GPC5: variants seen among roughly 807,000 people sequenced by gnomAD.
The protein encoded by GPC5 is glypican 5.
GPC5 carries 47 observed loss-of-function variants against 53.9 expected under a neutral mutation model. The ratio of observed to expected loss-of-function variants is 0.87; its 90% CI spans 0.69 to 1.11. The LOEUF is 1.11. Among genes scored for constraint, GPC5 ranks in the 50% most tolerant of loss-of-function variants. GPC5 has a pLI of 0.00. For synonymous variants in GPC5, 286 were observed against 263.3 expected, an observed-to-expected ratio of 1.09 and a Z score of -0.84; for missense variants, 748 against 713.1, an observed-to-expected ratio of 1.05 and a Z score of -0.56.
chr13:92,434,007 A>G (rs1877201252), intron 7 of GPC5, among the ~76,000 whole-genome samples: 1 of 152,210 alleles, frequency 6.6e-6, no homozygotes, highest in African/African-American at 2.4e-5. Context: ...GTCTGATAAC[A>G]TTGAGAAAAT....
chr13:92,039,617 C>T (rs74919132), intron 6 of GPC5, among the ~76,000 whole-genome samples: 3 of 152,278 alleles, frequency 2.0e-5, no homozygotes, highest in African/African-American at 7.2e-5. Context: ...CAGGCAGGGT[C>T]GCTTAAATAA....
intron 7 of GPC5, among the ~76,000 whole-genome samples, chr13:92,166,937 C>G (rs902867745): frequency 1.9e-5 from 2 of 105,288 alleles, no homozygotes; most frequent in Non-Finnish European, 3.9e-5. Context: ...CTCTCTCTCT[C>G]TCTCTCTCTC....
chr13:92,260,840 G>A lies in GPC5; in HGVS notation c.1561+115851G>A, dbSNP rs77927303. 2.0e-4 allele frequency among the ~76,000 whole-genome samples: 30 copies of A among 152,140 alleles called. No homozygotes were observed. In the East Asian group the frequency reaches 4.8e-3, roughly 25 times the overall value. On this transcript the variant is annotated intron_variant, in intron 7 of 7. Transcript: ENST00000377067. ...AACATGAGAATTGAAAAACCAGCTCGTTTTCTCTTGACTTTAGATGTGCTC... is the reference window on the plus strand; with the variant it reads ...AACATGAGAATTGAAAAACCAGCTCATTTTCTCTTGACTTTAGATGTGCTC...
intron 1 of GPC5, among the ~76,000 whole-genome samples, chr13:91,434,240 C>T (rs1879730687): frequency 6.6e-6 from 1 of 152,110 alleles, no homozygotes; most frequent in Non-Finnish European, 1.5e-5. Context: ...CTTTTGTTGC[C>T]AACGCTTTTG....
At chr13:92,038,699 T>C (rs1442169976) in intron 6 of GPC5, among the ~76,000 whole-genome samples, 3 of 151,694 alleles carry the variant, frequency 2.0e-5, no homozygotes, top group Non-Finnish European at 4.4e-5. Context: ...GATAGATAGA[T>C]AGATAGATAG....
intron 7 of GPC5, among the ~76,000 whole-genome samples, chr13:92,479,244 A>G (rs1304087632): frequency 6.6e-6 from 1 of 152,172 alleles, no homozygotes; most frequent in Non-Finnish European, 1.5e-5. Context: ...CCAGGGACAT[A>G]CCACGATTGG....
At chr13:92,048,523 A>T (rs758371060) in intron 6 of GPC5, among the ~76,000 whole-genome samples, 1 of 152,150 alleles carries the variant, frequency 6.6e-6, no homozygotes, top group Non-Finnish European at 1.5e-5. Context: ...GTCTCCAGGA[A>T]CATCTCTGCA....
At chr13:91,552,671 A>G (rs964639043) in intron 2 of GPC5, among the ~76,000 whole-genome samples, 5 of 152,090 alleles carry the variant, frequency 3.3e-5, no homozygotes, top group Admixed American at 3.3e-4. Context: ...CGCTCATGCT[A>G]TTGTTTGTGG....
intron 7 of GPC5, among the ~76,000 whole-genome samples, chr13:92,182,691 A>G (rs1413783118): frequency 6.6e-6 from 1 of 151,056 alleles, no homozygotes; most frequent in Admixed American, 6.6e-5. Flanking sequence ...ACGGTGAAAC[A>G]CCGTCTCTAC....
At chr13:92,453,410 T>G (rs1161915131) in intron 7 of GPC5, among the ~76,000 whole-genome samples, 1 of 151,996 alleles carries the variant, frequency 6.6e-6, no homozygotes, top group Non-Finnish European at 1.5e-5. Flanking sequence ...GAAAATAGGT[T>G]GAACTGAAAA....
At chr13:91,953,827 A>G (rs1393917850) in intron 6 of GPC5, among the ~76,000 whole-genome samples, 1 of 152,166 alleles carries the variant, frequency 6.6e-6, no homozygotes, top group South Asian at 2.1e-4. Context: ...ACTAACCACA[A>G]TTATAAGAGC....
At chr13:92,413,496 C>CT (rs1379293646) in intron 7 of GPC5, among the ~76,000 whole-genome samples, 2 of 152,106 alleles carry the variant, frequency 1.3e-5, no homozygotes, top group Non-Finnish European at 2.9e-5. Context: ...TCCATCTAAG[C>CT]TTTTTTATGT....
intron 6 of GPC5, among the ~76,000 whole-genome samples, chr13:91,975,720 T>C (rs1191048703): frequency 6.6e-6 from 1 of 152,150 alleles, no homozygotes; most frequent in Admixed American, 6.5e-5. Context: ...TGGCGATTCC[T>C]CAGGGATCTA....
At position 92,771,395 on chromosome 13, in the gene GPC5, TC is replaced by T. The variant is rs1875611084; in HGVS notation, c.1562-94885del. Among the ~76,000 whole-genome samples the T allele has an allele frequency of 2.0e-5, 3 of 152,236 alleles. No homozygotes were observed. The South Asian group carries it at 6.2e-4, about 32-fold the overall frequency. On this transcript the variant is annotated intron_variant, in intron 7 of 7. Transcript: ENST00000377067. ...TCTCGCTCTGTCGCCCAGGCTGGAG[TC>T]CAGTGGCGTGATTTCGGCTCACTGC...
At chr13:91,983,128 G>A (rs113547574) in intron 6 of GPC5, among the ~76,000 whole-genome samples, 6,318 of 152,022 alleles carry the variant, frequency 0.042, 165 homozygotes, top group Middle Eastern at 0.065. Context: ...GGCGGATCAC[G>A]AGGTCAGGAG....
chr13:91,602,158 G>T (rs4773639), intron 2 of GPC5, among the ~76,000 whole-genome samples: 5,687 of 152,298 alleles, frequency 0.037, 241 homozygotes, highest in South Asian at 0.24. Context: ...ATTCATTCTT[G>T]AAATCTTTGT....
At chr13:92,129,834 G>T (rs1293927526) in intron 6 of GPC5, among the ~76,000 whole-genome samples, 1 of 152,036 alleles carries the variant, frequency 6.6e-6, no homozygotes, top group African/African-American at 2.4e-5. Flanking sequence ...AAGACATGAG[G>T]CACAGTCAAA....
intron 7 of GPC5, among the ~76,000 whole-genome samples, chr13:92,477,150 C>T (rs1594235430): frequency 1.3e-5 from 2 of 152,030 alleles, no homozygotes; most frequent in Admixed American, 1.3e-4. Flanking sequence ...TTGTGTGCCC[C>T]AGTATTTAGG....
intron 7 of GPC5, among the ~76,000 whole-genome samples, chr13:92,449,513 A>G (rs1877974299): frequency 6.6e-6 from 1 of 152,220 alleles, no homozygotes; most frequent in African/African-American, 2.4e-5. Flanking sequence ...ACATGACTGT[A>G]TGCTGTATTT....
Sources: allele counts gnomAD v4.1 joint callset (sites outside exome capture counted in the v4.1 genomes callset), GRCh38; gene constraint gnomAD v4.1.1; transcripts MANE v1.5; gene names NCBI Gene and HGNC (gene_info 2026-07-23, HGNC 2026-07-21).